EPHA5: variants seen among roughly 807,000 people sequenced by gnomAD.
EPHA5 encodes the protein ephrin type-A receptor 5.
EPHA5 carries 60 observed loss-of-function variants against 105.0 expected under a neutral mutation model. That is an observed-to-expected ratio of 0.57 (90% CI 0.46 to 0.71). EPHA5 has a LOEUF of 0.71. EPHA5 is among the 30% of genes least tolerant of loss of function. The pLI is 0.00. For synonymous variants in EPHA5, 513 were observed against 449.1 expected (o/e 1.14, Z -1.80); for missense variants, 1,218 against 1,274.7 (o/e 0.96, Z 0.68).
chr4:65,503,161 TTG>T (rs1732661222), intron 3 of EPHA5, among the ~76,000 whole-genome samples: 1 of 151,734 alleles, frequency 6.6e-6, no homozygotes, highest in Admixed American at 6.6e-5. Flanking sequence ...AAGCTAACTG[TTG>T]GGTACTATGT....
Position 65,335,222 on chromosome 4 carries a change from G to C in EPHA5, c.2789+710C>G, listed in dbSNP as rs1324163968. ...AAATAACAATCTGGTAAATTTTCTA[G>C]TGCAGAATCAAACTGATTTATTTTT... is the stretch of plus-strand genomic sequence containing the variant. On this transcript the variant is annotated intron_variant, in intron 15 of 16. Transcript: ENST00000613740. 2.6e-5 allele frequency among the ~76,000 whole-genome samples: 4 copies of C among 151,914 alleles called. 1 individual carries two copies. Among genetic ancestry groups the C allele is most frequent in the South Asian group, 4.1e-4 (2 of 4,824 alleles).
intron 8 of EPHA5, among the ~76,000 whole-genome samples, chr4:65,402,129 C>A (rs1177826355): frequency 6.6e-6 from 1 of 151,456 alleles, no homozygotes; most frequent in Non-Finnish European, 1.5e-5. Context: ...GGGACTCTTC[C>A]CCCTTGGTTC....
intron 2 of EPHA5, among the ~76,000 whole-genome samples, chr4:65,609,003 G>T (rs546788608): frequency 6.6e-6 from 1 of 152,216 alleles, no homozygotes; most frequent in South Asian, 2.1e-4. Context: ...ACAAAATTAT[G>T]TGCCCTTGTT....
At chr4:65,650,453 G>T (rs886081272) in intron 1 of EPHA5, among the ~76,000 whole-genome samples, 2 of 151,370 alleles carry the variant, frequency 1.3e-5, no homozygotes, top group South Asian at 2.1e-4. Context: ...CCAGCTATTC[G>T]GGAGGCTGAG....
At position 65,382,733 on chromosome 4, in the gene EPHA5, T is replaced by A. The variant is rs562427827; in HGVS notation, c.1794-15309A>T. Among the ~76,000 whole-genome samples the A allele has an allele frequency of 9.2e-5, 14 of 151,868 alleles. No homozygotes were observed. The East Asian group carries it at 2.7e-3, about 30-fold the overall frequency. Reference sequence around the variant, plus strand: ...ACTTTACAATAATTAAATCAGAACATCTTGATTGTGGAACTCAAACATCAT... The same window carrying A: ...ACTTTACAATAATTAAATCAGAACAACTTGATTGTGGAACTCAAACATCAT... On this transcript the variant is annotated intron_variant, in intron 8 of 16. Coordinates refer to ENST00000613740, the MANE Select transcript of EPHA5 (RefSeq NM_001281766.3).
At chr4:65,326,710 A>G (rs1720111644) in intron 16 of EPHA5, among the ~76,000 whole-genome samples, 1 of 151,324 alleles carries the variant, frequency 6.6e-6, no homozygotes, top group African/African-American at 2.4e-5. Context: ...GTTTTAAAAC[A>G]TGTGTTTTAT....
intron 3 of EPHA5, among the ~76,000 whole-genome samples, chr4:65,579,313 T>C (rs942754874): frequency 6.7e-6 from 1 of 148,420 alleles, no homozygotes; most frequent in African/African-American, 2.5e-5. Context: ...GAGATGTAAT[T>C]GAGAGGGGAA....
At chr4:65,499,413 A>G (rs1474193642) in intron 3 of EPHA5, among the ~76,000 whole-genome samples, 1 of 151,528 alleles carries the variant, frequency 6.6e-6, no homozygotes, top group East Asian at 1.9e-4. Flanking sequence ...CATGATTCCA[A>G]TTTTCCCAGT....
At chr4:65,561,691 C>T (rs533838807) in intron 3 of EPHA5, among the ~76,000 whole-genome samples, 1 of 152,148 alleles carries the variant, frequency 6.6e-6, no homozygotes, top group East Asian at 1.9e-4. Flanking sequence ...GACTCATCAC[C>T]AAGTCCATGC....
intron 5 of EPHA5, among the ~76,000 whole-genome samples, chr4:65,426,434 ATTTCTTATT>A (rs1387070532): frequency 6.6e-6 from 1 of 152,070 alleles, no homozygotes; most frequent in Non-Finnish European, 1.5e-5. Flanking sequence ...CCATTTGTTA[ATTTCTTATT>A]TTTCTTTATA....
At chr4:65,478,150 A>T (rs941205163) in intron 5 of EPHA5, among the ~76,000 whole-genome samples, 2 of 152,218 alleles carry the variant, frequency 1.3e-5, no homozygotes, top group African/African-American at 2.4e-5. Context: ...AAATTTCAAT[A>T]TTTCAATATA....
intron 3 of EPHA5, among the ~76,000 whole-genome samples, chr4:65,567,669 T>C (rs185846468): frequency 1.4e-4 from 22 of 151,750 alleles, no homozygotes; most frequent in Middle Eastern, 6.8e-3. Context: ...TCTAAAAGCA[T>C]ATTTTGCAAA....
rs2148860415 is a variant in EPHA5 at position 65,353,061 on chromosome 4, G to A, written c.2216C>T (p.Ser739Phe). ...MIVTEYMENG[S>F]LDTFLKKNDG... ...TCCTACCTTCAAAAATGTATCTAAA[G>A]AGCCATTCTCCATATACTCTGTCAC... is the stretch of plus-strand genomic sequence containing the variant. The change falls in exon 12 of 17, where the codon TCT (serine) becomes TTT (phenylalanine). Residue 739 changes from serine to phenylalanine, a missense_variant. This residue lies in a region of EPHA5 where 971 missense variants were observed against 1,013.5 expected (regional missense o/e 0.96). Transcript: ENST00000613740. 1 of 1,560,054 alleles carries A rather than the reference G, an allele frequency of 6.4e-7. No homozygotes were observed. Among genetic ancestry groups the A allele is most frequent in the Non-Finnish European group, 8.7e-7 (1 of 1,155,070 alleles).
At chr4:65,422,322 G>A (rs1724019711) in intron 5 of EPHA5, among the ~76,000 whole-genome samples, 1 of 152,012 alleles carries the variant, frequency 6.6e-6, no homozygotes, top group South Asian at 2.1e-4. Flanking sequence ...ATTGTGAATG[G>A]CAGCAATCCT....
At chr4:65,381,985 A>G (rs541017064) in intron 8 of EPHA5, among the ~76,000 whole-genome samples, 1 of 151,986 alleles carries the variant, frequency 6.6e-6, no homozygotes, top group East Asian at 1.9e-4. Flanking sequence ...TTTAAATGCA[A>G]GTTTTAAATA....
At chr4:65,492,326 C>T (rs955516984) in intron 4 of EPHA5, among the ~76,000 whole-genome samples, 23 of 151,780 alleles carry the variant, frequency 1.5e-4, no homozygotes, top group African/African-American at 5.1e-4. Context: ...CTCAGCCTCC[C>T]GAGTAGCTGG....
At chr4:65,590,401 G>T (rs1346965292) in intron 3 of EPHA5, among the ~76,000 whole-genome samples, 1 of 152,044 alleles carries the variant, frequency 6.6e-6, no homozygotes, top group East Asian at 1.9e-4. Context: ...AATAATAAAG[G>T]ATATAAAAGC....
intron 4 of EPHA5, among the ~76,000 whole-genome samples, chr4:65,493,376 A>T (rs1047703070): frequency 1.5e-4 from 22 of 150,438 alleles, no homozygotes; most frequent in Non-Finnish European, 2.7e-4. Context: ...ATATAGATTT[A>T]AAAACTTTGT....
chr4:65,421,802 G>A lies in EPHA5; in HGVS notation c.1403-1237C>T, dbSNP rs28536477. ...AGATGAGAAAATTGTTTAGCATATA[G>A]AAATTTAATGAATATTTGTTGAATG... On this transcript the variant is annotated intron_variant, in intron 5 of 16. Coordinates refer to ENST00000613740, the MANE Select transcript of EPHA5 (RefSeq NM_001281766.3). 6.9e-3 allele frequency among the ~76,000 whole-genome samples: 1,055 copies of A among 152,150 alleles called. 16 individuals are homozygous for A. Among genetic ancestry groups the A allele is most frequent in the African/African-American group, 0.024 (1,017 of 41,522 alleles).
Sources: gnomAD v4.1 joint callset for allele counts (sites outside exome capture counted in the v4.1 genomes callset) on GRCh38, gnomAD v4.1.1 for gene constraint, gnomAD v4.1.1 regional missense constraint, MANE v1.5 for transcripts, NCBI Gene and HGNC (gene_info 2026-07-23, HGNC 2026-07-21) for gene names.